Variants in SNTG1 observed in about 807,000 individuals in gnomAD.
SNTG1 encodes the protein syntrophin gamma 1.
In SNTG1, 39 loss-of-function variants were observed where a neutral mutation model predicts 74.7. That is an observed-to-expected ratio of 0.52 (90% CI 0.40 to 0.68). The LOEUF (loss-of-function observed/expected upper bound fraction) is 0.68, where lower values mean the gene tolerates loss of function less well. SNTG1 is among the 30% of genes least tolerant of loss of function. The pLI, the probability that SNTG1 is intolerant of heterozygous loss-of-function variation, is 0.00. For missense variants in SNTG1, 685 were observed against 609.5 expected, an observed-to-expected ratio of 1.12 and a Z score of -1.30; for synonymous variants, 254 against 217.1, an observed-to-expected ratio of 1.17 and a Z score of -1.49.
chr8:50,359,113 A>G (rs1172238188), intron 2 of SNTG1, among the ~76,000 whole-genome samples: 2 of 152,210 alleles, frequency 1.3e-5, no homozygotes, highest in African/African-American at 4.8e-5. Context: ...CTTTGCTGTC[A>G]TAACTGAAGC....
intron 3 of SNTG1, among the ~76,000 whole-genome samples, chr8:50,394,965 A>AT (rs1360837426): frequency 2.0e-5 from 3 of 151,742 alleles, no homozygotes; most frequent in Non-Finnish European, 1.5e-5. Context: ...GGTTTAAAGC[A>AT]TTTTTTTATT....
chr8:50,517,268 T>A lies in SNTG1; in HGVS notation c.467-12909T>A, dbSNP rs1259158589. On this transcript the variant is annotated intron_variant, in intron 9 of 18. Coordinates refer to ENST00000642720, the MANE Select transcript of SNTG1 (RefSeq NM_018967.5). ...GCTGAGAAATTTTGTCATCACTAAA[T>A]CTGCCTTACAAGAGTTCCTGAAAAA... 2.0e-5 allele frequency among the ~76,000 whole-genome samples: 3 copies of A among 152,202 alleles called. No individual in the cohort carries two copies. The East Asian group carries it at 5.8e-4, about 29-fold the overall frequency.
intron 12 of SNTG1, among the ~76,000 whole-genome samples, chr8:50,590,190 G>A (rs927907362): frequency 3.9e-5 from 6 of 152,074 alleles, no homozygotes; most frequent in African/African-American, 9.7e-5. Context: ...TAGAGAGTTA[G>A]CATGCTTAAG....
At chr8:50,028,987 T>C (rs937003515) in intron 1 of SNTG1, among the ~76,000 whole-genome samples, 5 of 152,156 alleles carry the variant, frequency 3.3e-5, no homozygotes, top group African/African-American at 9.7e-5. Context: ...GTTTTTAATG[T>C]TGAGTTTTAA....
chr8:50,786,802 G>T (rs576664604), intron 18 of SNTG1, among the ~76,000 whole-genome samples: 1 of 151,884 alleles, frequency 6.6e-6, no homozygotes, highest in Admixed American at 6.6e-5. Context: ...AAAAAATTAA[G>T]TTGAGTCCTT....
chr8:50,619,775 CAG>C (rs2094909620), intron 13 of SNTG1, among the ~76,000 whole-genome samples: 2 of 149,222 alleles, frequency 1.3e-5, no homozygotes, highest in Admixed American at 6.7e-5. Context: ...TCCCAGGAAT[CAG>C]AGTCAGTTGC....
chr8:50,447,610 T>C (rs1217261120), intron 5 of SNTG1, among the ~76,000 whole-genome samples: 1 of 152,140 alleles, frequency 6.6e-6, no homozygotes, highest in Non-Finnish European at 1.5e-5. Context: ...TTCATTCAAC[T>C]CAACAAACAT....
intron 13 of SNTG1, among the ~76,000 whole-genome samples, chr8:50,609,955 T>A (rs2094838682): frequency 6.6e-6 from 1 of 152,156 alleles, no homozygotes; most frequent in South Asian, 2.1e-4. Context: ...ACAAAACTTG[T>A]TTTTTCATCC....
At chr8:50,487,342 A>AG (rs1291258257) in intron 8 of SNTG1, among the ~76,000 whole-genome samples, 7 of 152,208 alleles carry the variant, frequency 4.6e-5, no homozygotes, top group Admixed American at 4.6e-4. Context: ...TACTGGGTAT[A>AG]TACCCAAAGT....
chr8:50,379,834 G>T (rs1417241592), intron 2 of SNTG1, among the ~76,000 whole-genome samples: 1 of 152,234 alleles, frequency 6.6e-6, no homozygotes. Context: ...TGGTCACAGG[G>T]CTGCCCCCTT....
chr8:50,509,820 A>C (rs1004206845), intron 9 of SNTG1, among the ~76,000 whole-genome samples: 1 of 152,118 alleles, frequency 6.6e-6, no homozygotes, highest in Non-Finnish European at 1.5e-5. Flanking sequence ...TTTTGGGCTG[A>C]GATGATGGGG....
chr8:50,779,763 G>T (rs972004158), intron 18 of SNTG1, among the ~76,000 whole-genome samples: 2 of 117,566 alleles, frequency 1.7e-5, no homozygotes, highest in Non-Finnish European at 3.3e-5. Flanking sequence ...GGTGAGAGAG[G>T]GCATCCTGTC....
At chr8:50,075,276 C>A (rs947289280) in intron 1 of SNTG1, among the ~76,000 whole-genome samples, 1 of 152,186 alleles carries the variant, frequency 6.6e-6, no homozygotes, top group African/African-American at 2.4e-5. Flanking sequence ...GACTGACTGG[C>A]GGCCCCTGGG....
intron 17 of SNTG1, among the ~76,000 whole-genome samples, chr8:50,736,422 T>C (rs779725731): frequency 2.6e-5 from 4 of 152,098 alleles, no homozygotes; most frequent in Non-Finnish European, 4.4e-5. Context: ...CTCAGATTCA[T>C]AAAGCAAGTT....
intron 1 of SNTG1, among the ~76,000 whole-genome samples, chr8:49,925,172 AAT>A (rs1248768706): frequency 6.6e-6 from 1 of 152,104 alleles, no homozygotes; most frequent in African/African-American, 2.4e-5. Context: ...AAATAAATAA[AAT>A]AAACAAATTA....
chr8:50,624,894 G>A (rs538570358), intron 13 of SNTG1, among the ~76,000 whole-genome samples: 1 of 152,266 alleles, frequency 6.6e-6, no homozygotes, highest in South Asian at 2.1e-4. Context: ...TCCACACGGA[G>A]ACGTTCATAG....
At chr8:50,448,514 T>A (rs536281471) in intron 5 of SNTG1, among the ~76,000 whole-genome samples, 1 of 152,220 alleles carries the variant, frequency 6.6e-6, no homozygotes, top group African/African-American at 2.4e-5. Context: ...ATTCAGATTG[T>A]CTTTTCAACT....
chr8:50,294,893 C>T (rs1372974646), intron 2 of SNTG1, among the ~76,000 whole-genome samples: 3 of 152,098 alleles, frequency 2.0e-5, no homozygotes, highest in South Asian at 2.1e-4. Context: ...GTTCAGATGG[C>T]CACTGTCCTG....
chr8:50,047,458 G>A (rs1465737697), intron 1 of SNTG1, among the ~76,000 whole-genome samples: 1 of 152,096 alleles, frequency 6.6e-6, no homozygotes, highest in Non-Finnish European at 1.5e-5. Context: ...TATGTAAAAT[G>A]TGAGAGATAA....
Sources: gnomAD v4.1 joint callset for allele counts (sites outside exome capture counted in the v4.1 genomes callset) on GRCh38, gnomAD v4.1.1 for gene constraint, MANE v1.5 for transcripts, NCBI Gene and HGNC (gene_info 2026-07-23, HGNC 2026-07-21) for gene names.